Variants in IMMP2L observed in about 807,000 individuals in gnomAD.
IMMP2L encodes the protein inner mitochondrial membrane peptidase subunit 2, also known as mitochondrial inner membrane protease subunit 2.
In IMMP2L, 18 loss-of-function variants were observed where a neutral mutation model predicts 19.3. That is an observed-to-expected ratio of 0.93 (90% confidence interval 0.64 to 1.38). IMMP2L has a LOEUF of 1.38. Among genes scored for constraint, IMMP2L ranks in the 40% most tolerant of loss-of-function variants. The probability of loss-of-function intolerance (pLI) is 0.00; values close to 1 mark genes in which losing one functional copy is unlikely to be tolerated. For synonymous variants in IMMP2L, 76 were observed against 73.0 expected (o/e 1.04, Z -0.21); for missense variants, 233 against 218.2 (o/e 1.07, Z -0.43).
intron 5 of IMMP2L, among the ~76,000 whole-genome samples, chr7:110,789,703 C>A (rs1474458023): frequency 3.3e-5 from 5 of 151,724 alleles, no homozygotes; most frequent in East Asian, 3.9e-4. Context: ...TGAGCCTCCA[C>A]CACCTCACTG....
chr7:111,199,668 T>A (rs916490290), intron 3 of IMMP2L, among the ~76,000 whole-genome samples: 1 of 152,084 alleles, frequency 6.6e-6, no homozygotes, highest in African/African-American at 2.4e-5. Context: ...ATCATTCTGT[T>A]TTTTGGTGAA....
At chr7:111,328,555 C>G (rs572436054) in intron 3 of IMMP2L, among the ~76,000 whole-genome samples, 2 of 151,838 alleles carry the variant, frequency 1.3e-5, no homozygotes, top group African/African-American at 2.4e-5. Flanking sequence ...TTATATTTTA[C>G]AAGCCCCAAT....
chr7:111,526,632 T>A (rs1846888148), intron 1 of IMMP2L, among the ~76,000 whole-genome samples: 1 of 152,216 alleles, frequency 6.6e-6, no homozygotes, highest in South Asian at 2.1e-4. Flanking sequence ...CTGAGCAAGA[T>A]TCTTTCCTGT....
chr7:111,211,070 G>A (rs1811256616), intron 3 of IMMP2L, among the ~76,000 whole-genome samples: 1 of 152,234 alleles, frequency 6.6e-6, no homozygotes, highest in African/African-American at 2.4e-5. Context: ...TATTGAGTCA[G>A]TATATAAAAC....
chr7:111,130,932 A>C (rs1801784054), intron 3 of IMMP2L, among the ~76,000 whole-genome samples: 1 of 152,010 alleles, frequency 6.6e-6, no homozygotes, highest in Admixed American at 6.6e-5. Context: ...TTACCTTCCT[A>C]TCCCTATTTC....
rs201292951 is a variant in IMMP2L, at chr7:111,521,303, T to A, written c.135+10A>T. On this transcript the variant is annotated intron_variant, in intron 2 of 5. Transcript: ENST00000405709. ...ATGTGCTTTAAAGAACGAAGTTATATCATTTTCACCTGCATCGATGCTCCT... is the reference window on the plus strand; with the variant it reads ...ATGTGCTTTAAAGAACGAAGTTATAACATTTTCACCTGCATCGATGCTCCT... 1.1e-4 allele frequency: 171 copies of A among 1,607,754 alleles called. 4 individuals carry two copies. In the Middle Eastern group the frequency reaches 4.7e-3, roughly 44 times the overall value.
intron 3 of IMMP2L, among the ~76,000 whole-genome samples, chr7:111,451,929 C>G (rs900752315): frequency 6.6e-6 from 1 of 151,976 alleles, no homozygotes; most frequent in Non-Finnish European, 1.5e-5. Context: ...ATACACAGGT[C>G]ATAGGGAATA....
chr7:111,214,689 T>C (rs1811745059), intron 3 of IMMP2L, among the ~76,000 whole-genome samples: 1 of 147,914 alleles, frequency 6.8e-6, no homozygotes, highest in Admixed American at 6.7e-5. Context: ...CTCACCTAAA[T>C]AAAATATATG....
chr7:110,819,281 T>C (rs1802819940), intron 5 of IMMP2L, among the ~76,000 whole-genome samples: 1 of 151,786 alleles, frequency 6.6e-6, no homozygotes, highest in African/African-American at 2.4e-5. Flanking sequence ...AGCAGCTTAG[T>C]GTTTGGGGAG....
chr7:110,875,910 G>A (rs1217942678), intron 5 of IMMP2L, among the ~76,000 whole-genome samples: 2 of 151,966 alleles, frequency 1.3e-5, no homozygotes, highest in Non-Finnish European at 2.9e-5. Context: ...TCTTTCCACT[G>A]AGTACGTCCT....
intron 4 of IMMP2L, among the ~76,000 whole-genome samples, chr7:110,952,837 T>TA (rs1253419525): frequency 6.6e-6 from 1 of 152,152 alleles, no homozygotes; most frequent in African/African-American, 2.4e-5. Context: ...GAGTTTAATA[T>TA]AAAAAATATT....
chr7:111,014,262 C>A (rs1227887287), intron 3 of IMMP2L, among the ~76,000 whole-genome samples: 1 of 151,540 alleles, frequency 6.6e-6, no homozygotes. Context: ...GGCTGAGGCA[C>A]GAAAATTGCT....
intron 2 of IMMP2L, among the ~76,000 whole-genome samples, chr7:111,510,317 TC>T (rs1434802584): frequency 1.3e-4 from 20 of 152,118 alleles, no homozygotes; most frequent in Admixed American, 8.5e-4. Context: ...AGCTTGTACA[TC>T]TACCATCCCC....
intron 3 of IMMP2L, among the ~76,000 whole-genome samples, chr7:111,353,455 C>T (rs7803571): frequency 0.35 from 53,624 of 152,016 alleles, 10,407 homozygotes; most frequent in South Asian, 0.61. Context: ...AATTTATGCA[C>T]TGATATCTTC....
chr7:111,217,576 T>C (rs569215202), intron 3 of IMMP2L, among the ~76,000 whole-genome samples: 74 of 152,266 alleles, frequency 4.9e-4, no homozygotes, highest in African/African-American at 1.6e-3. Flanking sequence ...GGGATATCAA[T>C]GCTGAGTACA....
At chr7:111,013,307 T>C (rs1309719465) in intron 3 of IMMP2L, among the ~76,000 whole-genome samples, 6 of 152,150 alleles carry the variant, frequency 3.9e-5, no homozygotes, top group Non-Finnish European at 8.8e-5. Flanking sequence ...AATATGTTTC[T>C]GACTGAAGGA....
rs551984212 is a variant in IMMP2L, at chr7:110,682,562, G to A, written c.409-18841C>T. ...GATATGGGAGCTGAGAAAAGAACAA[G>A]GTGATGGGGGGATGATCATTGCTTC... is the stretch of plus-strand genomic sequence containing the variant. On this transcript the variant is annotated intron_variant, in intron 5 of 5. Transcript: ENST00000405709. Among the ~76,000 whole-genome samples, 11 of 152,278 alleles carry A rather than the reference G, an allele frequency of 7.2e-5. No homozygotes were observed. In the South Asian group the frequency reaches 1.9e-3, roughly 26 times the overall value.
chr7:111,278,111 A>G (rs1048955913), intron 3 of IMMP2L, among the ~76,000 whole-genome samples: 1 of 152,132 alleles, frequency 6.6e-6, no homozygotes, highest in African/African-American at 2.4e-5. Flanking sequence ...CTAAAAAGCC[A>G]CCTGTTGAGT....
At chr7:111,550,431 T>C (rs1369794334) in intron 1 of IMMP2L, among the ~76,000 whole-genome samples, 1 of 152,146 alleles carries the variant, frequency 6.6e-6, no homozygotes, top group Non-Finnish European at 1.5e-5. Context: ...GAATGAACCC[T>C]AATGTAAACA....
Sources: allele counts gnomAD v4.1 joint callset (sites outside exome capture counted in the v4.1 genomes callset), GRCh38; gene constraint gnomAD v4.1.1; transcripts MANE v1.5; gene names NCBI Gene and HGNC (gene_info 2026-07-23, HGNC 2026-07-21).